The following CLVS1 variants were observed in gnomAD, a reference collection of about 807,000 sequenced individuals.
The protein encoded by CLVS1 is clavesin-1.
CLVS1 carries 10 observed loss-of-function variants against 33.1 expected under a neutral mutation model. The ratio of observed to expected loss-of-function variants is 0.30; its 90% confidence interval spans 0.19 to 0.51. CLVS1 has a LOEUF of 0.51. Ranked by LOEUF, CLVS1 falls within the 20% of genes least tolerant of loss-of-function variation. The probability of loss-of-function intolerance (pLI) is 0.97; values close to 1 mark genes in which losing one functional copy is unlikely to be tolerated. For missense variants in CLVS1, 343 were observed against 433.4 expected (o/e 0.79, Z 1.85); for synonymous variants, 163 against 166.1 (o/e 0.98, Z 0.14).
chr8:61,108,450 T>C (rs1805575883), intron 1 of CLVS1, among the ~76,000 whole-genome samples: 1 of 152,240 alleles, frequency 6.6e-6, no homozygotes, highest in Admixed American at 6.5e-5. Context: ...CATAGATCTC[T>C]GTTTTAATCT....
chr8:61,125,731 T>C (rs1805957122), intron 1 of CLVS1, among the ~76,000 whole-genome samples: 2 of 152,212 alleles, frequency 1.3e-5, no homozygotes, highest in South Asian at 4.1e-4. Context: ...TCCCACTTAG[T>C]ACACAGAAAG....
chr8:61,218,052 G>A (rs1376996976), intron 2 of CLVS1, among the ~76,000 whole-genome samples: 1 of 152,114 alleles, frequency 6.6e-6, no homozygotes, highest in Admixed American at 6.5e-5. Context: ...ATTGTTGGTG[G>A]GAATGTAAAC....
chr8:61,143,949 C>A (rs1339143125), intron 2 of CLVS1, among the ~76,000 whole-genome samples: 1 of 150,252 alleles, frequency 6.7e-6, no homozygotes, highest in East Asian at 1.9e-4. Context: ...TTGAAGGAAG[C>A]AAATTAATAG....
At chr8:61,424,456 T>C (rs753483694) in intron 3 of CLVS1, among the ~76,000 whole-genome samples, 29 of 152,348 alleles carry the variant, frequency 1.9e-4, no homozygotes, top group Admixed American at 1.4e-3. Flanking sequence ...TATAAATAAG[T>C]TATAATTTGC....
the CLVS1 span, among the ~76,000 whole-genome samples, chr8:61,024,347 T>C: frequency 2.6e-5 from 4 of 152,308 alleles, no homozygotes; most frequent in Middle Eastern, 3.4e-3. Context: ...GCAGTGTGTG[T>C]TGAAGGAAGG....
At chr8:61,096,702 G>T (rs1754405093) in intron 1 of CLVS1, among the ~76,000 whole-genome samples, 1 of 152,128 alleles carries the variant, frequency 6.6e-6, no homozygotes, top group Admixed American at 6.5e-5. Context: ...AGTGAGCCTG[G>T]ATCTGTGTTT....
chr8:61,195,589 A>G (rs886925326), intron 2 of CLVS1, among the ~76,000 whole-genome samples: 1 of 152,052 alleles, frequency 6.6e-6, no homozygotes, highest in Non-Finnish European at 1.5e-5. Context: ...ATCTTAAATC[A>G]TAAATGACTG....
At chr8:61,039,766 C>G in the CLVS1 span, among the ~76,000 whole-genome samples, 2 of 152,122 alleles carry the variant, frequency 1.3e-5, no homozygotes, top group African/African-American at 4.8e-5. Context: ...TTTTGAATTC[C>G]TGGGCTGAAG....
chr8:61,122,611 C>CACACACACA (rs3222428), intron 1 of CLVS1, among the ~76,000 whole-genome samples: 1 of 141,778 alleles, frequency 7.1e-6, no homozygotes, highest in African/African-American at 2.7e-5. Context: ...CACACACACA[C>CACACACACA]AAGAAAACAG....
chr8:60,991,183 A>C, the CLVS1 span, among the ~76,000 whole-genome samples: 2 of 152,338 alleles, frequency 1.3e-5, no homozygotes, highest in South Asian at 2.1e-4. Context: ...AGTCAACAAC[A>C]TGCAAAATAG....
At chr8:61,261,069 A>C (rs1809193489) in intron 2 of CLVS1, among the ~76,000 whole-genome samples, 1 of 152,214 alleles carries the variant, frequency 6.6e-6, no homozygotes, top group South Asian at 2.1e-4. Context: ...AGTTAGTTTT[A>C]TATCTTTACC....
chr8:61,447,787 GA>G (rs1203353724), intron 3 of CLVS1, among the ~76,000 whole-genome samples: 1 of 151,972 alleles, frequency 6.6e-6, no homozygotes. Flanking sequence ...AAGAGGAAAA[GA>G]AAAACCCATA....
At chr8:60,986,886 A>G in the CLVS1 span, among the ~76,000 whole-genome samples, 3 of 152,364 alleles carry the variant, frequency 2.0e-5, no homozygotes, top group South Asian at 2.1e-4. Flanking sequence ...CTCAAACTGA[A>G]TAAGAGGCAT....
intron 1 of CLVS1, among the ~76,000 whole-genome samples, chr8:61,088,081 T>C (rs1051096003): frequency 2.0e-5 from 3 of 152,256 alleles, no homozygotes; most frequent in African/African-American, 7.2e-5. Flanking sequence ...CATCAAACTA[T>C]ATGTATGCAT....
chr8:61,091,402 G>T (rs1805246629), intron 1 of CLVS1, among the ~76,000 whole-genome samples: 1 of 152,178 alleles, frequency 6.6e-6, no homozygotes, highest in Non-Finnish European at 1.5e-5. Context: ...CTAAGTTTGT[G>T]GGAATTTGTC....
At chr8:61,230,702 G>A (rs1489095506) in intron 2 of CLVS1, among the ~76,000 whole-genome samples, 1 of 152,058 alleles carries the variant, frequency 6.6e-6, no homozygotes, top group Non-Finnish European at 1.5e-5. Flanking sequence ...AGCAGGATTA[G>A]CCCCTTGGCT....
chr8:61,223,317 G>A (rs568807335), intron 2 of CLVS1, among the ~76,000 whole-genome samples: 8 of 152,182 alleles, frequency 5.3e-5, no homozygotes, highest in African/African-American at 9.6e-5. Context: ...GTCTGGTACC[G>A]GTTTTTCTTT....
At chr8:61,343,464 T>C (rs1812097456) in intron 2 of CLVS1, among the ~76,000 whole-genome samples, 1 of 152,226 alleles carries the variant, frequency 6.6e-6, no homozygotes, top group Admixed American at 6.5e-5. Flanking sequence ...ATGATTCAGT[T>C]ACTGCTGAGA....
At chr8:61,052,545 C>T (rs1012814965), upstream of CLVS1, among the ~76,000 whole-genome samples, 3 of 57,968 alleles carry the variant, frequency 5.2e-5, no homozygotes, top group African/African-American at 3.2e-4. Flanking sequence ...GGAGTCATGC[C>T]GAGATCTGGG....
Sources: allele counts gnomAD v4.1 joint callset (sites outside exome capture counted in the v4.1 genomes callset), GRCh38; gene constraint gnomAD v4.1.1; transcripts MANE v1.5; gene names NCBI Gene and HGNC (gene_info 2026-07-23, HGNC 2026-07-21).